The following TNIK variants were observed in gnomAD, a reference collection of about 807,000 sequenced individuals.
The protein encoded by TNIK is TRAF2 and NCK interacting kinase.
TNIK carries 49 observed loss-of-function variants against 191.3 expected under a neutral mutation model. The ratio of observed to expected loss-of-function variants is 0.26; its 90% CI spans 0.20 to 0.32. The LOEUF (loss-of-function observed/expected upper bound fraction) is 0.32. TNIK is among the 10% of genes least tolerant of loss of function. The pLI is 1.00. For missense variants in TNIK, 1,155 were observed against 1,702.3 expected (o/e 0.68, Z 5.66); for synonymous variants, 594 against 600.9 (o/e 0.99, Z 0.17).
chr3:171,233,443 T>C (rs1296453302), intron 2 of TNIK, among the ~76,000 whole-genome samples: 1 of 152,158 alleles, frequency 6.6e-6, no homozygotes, highest in Non-Finnish European at 1.5e-5. Flanking sequence ...TGTCTGTCTG[T>C]CTGTCTATCT....
In TNIK at chr3:171,233,624, G is replaced by T. The variant is rs190192414; in HGVS notation, c.124-5403C>A. ...TCCTTCCTGGAGAAAGGTGAAGGATGATGGCCACTTGGATTAGGATGGAAA... is the reference window on the plus strand; with the variant it reads ...TCCTTCCTGGAGAAAGGTGAAGGATTATGGCCACTTGGATTAGGATGGAAA... On this transcript the variant is annotated intron_variant, in intron 2 of 32. Coordinates refer to ENST00000436636, the MANE Select transcript of TNIK (RefSeq NM_015028.4). 4.6e-5 allele frequency among the ~76,000 whole-genome samples: 7 copies of T among 152,312 alleles called. No individual in the cohort carries two copies. The East Asian group carries it at 1.3e-3, about 29-fold the overall frequency.
At chr3:171,335,712 A>T (rs1756890672) in intron 2 of TNIK, among the ~76,000 whole-genome samples, 1 of 152,206 alleles carries the variant, frequency 6.6e-6, no homozygotes, top group Non-Finnish European at 1.5e-5. Flanking sequence ...GGCTATTATG[A>T]CTAAAGCTCC....
Position 171,193,390 on chromosome 3 carries a change from G to T in TNIK, c.417+1135C>A, listed in dbSNP as rs113267524. Among the ~76,000 whole-genome samples the T allele has an allele frequency of 5.2e-3, 796 of 152,232 alleles. 6 individuals are homozygous for T. Among genetic ancestry groups the T allele is most frequent in the Admixed American group, 0.013 (192 of 15,284 alleles). On this transcript the variant is annotated intron_variant, in intron 5 of 32. Transcript: ENST00000436636. ...TAATTGGAAGTTCAATGAAACCATG[G>T]ATCAAACTGGGTAGAAATGATGTCT...
At chr3:171,231,612 A>G (rs1464030980) in intron 2 of TNIK, among the ~76,000 whole-genome samples, 1 of 152,168 alleles carries the variant, frequency 6.6e-6, no homozygotes, top group Non-Finnish European at 1.5e-5. Context: ...GCCATGAAGG[A>G]ACTTGCCCAG....
chr3:171,238,759 A>C (rs1409085225), intron 2 of TNIK, among the ~76,000 whole-genome samples: 1 of 152,242 alleles, frequency 6.6e-6, no homozygotes, highest in Admixed American at 6.5e-5. Context: ...AATACTACAA[A>C]GATCAAATGA....
intron 1 of TNIK, among the ~76,000 whole-genome samples, chr3:171,394,027 G>A (rs1360038943): frequency 2.6e-5 from 4 of 152,130 alleles, no homozygotes; most frequent in Non-Finnish European, 5.9e-5. Context: ...ACATGCCATG[G>A]ACGAAATGCT....
rs560177788 is a variant in TNIK, at chr3:171,228,041, T to C, written c.180+124A>G. The C allele has an allele frequency of 3.4e-5, 36 of 1,067,006 alleles. No homozygotes were observed. In the South Asian group the frequency reaches 5.1e-4, roughly 15 times the overall value. 66.1% of individuals were successfully genotyped at this position (1,067,006 alleles called of 1,614,324 possible). The stretch of plus-strand genomic sequence containing the variant: ...AAGCTATGATGTTCAACAGGTTATG[T>C]GTATTAAATGCATTTTCAACTTAAC... On this transcript the variant is annotated intron_variant, in intron 3 of 32. Transcript: ENST00000436636.
At chr3:171,134,847 A>G (rs1247654635) in intron 15 of TNIK, among the ~76,000 whole-genome samples, 4 of 152,246 alleles carry the variant, frequency 2.6e-5, no homozygotes, top group African/African-American at 7.2e-5. Context: ...TACATTGCTG[A>G]TAAAGGACTA....
intron 2 of TNIK, among the ~76,000 whole-genome samples, chr3:171,354,662 T>C (rs905349547): frequency 2.6e-5 from 4 of 152,210 alleles, no homozygotes; most frequent in Admixed American, 2.6e-4. Context: ...AAGGAGTTTC[T>C]TCAACACTGA....
chr3:171,346,422 G>A (rs557147735), intron 2 of TNIK, among the ~76,000 whole-genome samples: 1 of 152,016 alleles, frequency 6.6e-6, no homozygotes, highest in African/African-American at 2.4e-5. Flanking sequence ...TACACCTTGC[G>A]CATGTCATCC....
chr3:171,210,156 G>T (rs1415410255), intron 4 of TNIK, among the ~76,000 whole-genome samples: 2 of 152,076 alleles, frequency 1.3e-5, no homozygotes, highest in African/African-American at 2.4e-5. Context: ...AATTGAGAGA[G>T]AGGAAGCGGG....
chr3:171,159,349 G>T lies in TNIK; in HGVS notation c.1017-1685C>A, dbSNP rs1052705962. On this transcript the variant is annotated intron_variant, in intron 11 of 32. Coordinates refer to ENST00000436636, the MANE Select transcript of TNIK (RefSeq NM_015028.4). This position sits in a 1 kb window ranked among gnomAD's most constrained non-coding sequence, Gnocchi z 4.1. ...AACAGGAATGAGGAATGCTGAGGGAGGAGCAAGTTTCGTGGCAGTTAACAA... is the reference window on the plus strand; with the variant it reads ...AACAGGAATGAGGAATGCTGAGGGATGAGCAAGTTTCGTGGCAGTTAACAA... Among the ~76,000 whole-genome samples, 5 of 152,104 alleles carry T rather than the reference G, an allele frequency of 3.3e-5. No individual in the cohort carries two copies. Among genetic ancestry groups the T allele is most frequent in the African/African-American group, 9.7e-5 (4 of 41,406 alleles).
chr3:171,114,691 A>AG (rs1289933839), intron 18 of TNIK, among the ~76,000 whole-genome samples: 1 of 152,200 alleles, frequency 6.6e-6, no homozygotes, highest in East Asian at 1.9e-4. Context: ...TTGTGGTAAA[A>AG]GGGTTGCTAA....
At chr3:171,085,614 A>C (rs759404930) in intron 24 of TNIK, among the ~76,000 whole-genome samples, 31 of 152,216 alleles carry the variant, frequency 2.0e-4, no homozygotes, top group Non-Finnish European at 1.5e-5. Context: ...CAATAAACTA[A>C]GTAAGGAAGC....
intron 28 of TNIK, among the ~76,000 whole-genome samples, chr3:171,079,171 T>G (rs1276135191): frequency 1.3e-5 from 2 of 152,202 alleles, no homozygotes; most frequent in Non-Finnish European, 2.9e-5. Flanking sequence ...CTTTTTCCAG[T>G]CACTCAGCTA....
intron 1 of TNIK, among the ~76,000 whole-genome samples, chr3:171,388,321 C>T (rs886753118): frequency 1.3e-5 from 2 of 152,276 alleles, no homozygotes; most frequent in Non-Finnish European, 2.9e-5. Context: ...CATTGACACA[C>T]ATTATTGAAT....
intron 5 of TNIK, among the ~76,000 whole-genome samples, chr3:171,191,073 C>T (rs1048304908): frequency 1.3e-5 from 2 of 152,136 alleles, no homozygotes; most frequent in African/African-American, 4.8e-5. Flanking sequence ...AGTAATTATA[C>T]GGTTCCAACA....
chr3:171,386,461 G>C (rs1396039366), intron 1 of TNIK, among the ~76,000 whole-genome samples: 2 of 150,920 alleles, frequency 1.3e-5, no homozygotes, highest in Non-Finnish European at 3.0e-5. Flanking sequence ...TTTCTGGTTT[G>C]CAGTGGAGGT....
At chr3:171,090,136 G>A (rs1721871140) in intron 23 of TNIK, among the ~76,000 whole-genome samples, 1 of 152,178 alleles carries the variant, frequency 6.6e-6, no homozygotes, top group African/African-American at 2.4e-5. Context: ...GAAAGCAGGA[G>A]CATGCAGAGG....
Sources: allele counts gnomAD v4.1 joint callset (sites outside exome capture counted in the v4.1 genomes callset), GRCh38; gene constraint gnomAD v4.1.1; non-coding constraint Gnocchi (gnomAD v3.1); transcripts MANE v1.5; gene names NCBI Gene and HGNC (gene_info 2026-07-23, HGNC 2026-07-21).